CDK14: variants seen among roughly 807,000 people sequenced by gnomAD.
CDK14 encodes the protein cyclin dependent kinase 14.
Under a neutral mutation model 60.7 loss-of-function variants are expected in CDK14, and 34 were observed. That is an observed-to-expected ratio of 0.56 (90% CI 0.43 to 0.75). CDK14 has a LOEUF of 0.75. Ranked by LOEUF, CDK14 falls within the 30% of genes least tolerant of loss-of-function variation. The pLI, the probability that CDK14 is intolerant of heterozygous loss-of-function variation, is 0.00. For synonymous variants in CDK14, 197 were observed against 203.7 expected (o/e 0.97, Z 0.28); for missense variants, 482 against 564.1 (o/e 0.85, Z 1.47).
At chr7:91,066,326 C>A (rs1271983100) in intron 11 of CDK14, among the ~76,000 whole-genome samples, 1 of 152,098 alleles carries the variant, frequency 6.6e-6, no homozygotes, top group Non-Finnish European at 1.5e-5. Context: ...TTTTTATGAT[C>A]CTTCTATGGA....
chr7:91,014,759 A>C (rs1447898805), intron 10 of CDK14, among the ~76,000 whole-genome samples: 1 of 152,176 alleles, frequency 6.6e-6, no homozygotes, highest in Non-Finnish European at 1.5e-5. Flanking sequence ...TTCAGATATA[A>C]ATATTAAATT....
At chr7:90,750,512 G>A (rs1364011688) in intron 4 of CDK14, among the ~76,000 whole-genome samples, 1 of 152,150 alleles carries the variant, frequency 6.6e-6, no homozygotes, top group Non-Finnish European at 1.5e-5. Context: ...AATGAAGAAG[G>A]AGATATAACA....
At chr7:90,874,673 C>T (rs1269830834) in intron 6 of CDK14, among the ~76,000 whole-genome samples, 5 of 150,274 alleles carry the variant, frequency 3.3e-5, no homozygotes, top group African/African-American at 9.8e-5. Context: ...GGACTACAGG[C>T]GCCCGCCACC....
At chr7:90,756,556 G>A (rs1251314824) in intron 4 of CDK14, among the ~76,000 whole-genome samples, 1 of 152,174 alleles carries the variant, frequency 6.6e-6, no homozygotes, top group Non-Finnish European at 1.5e-5. Flanking sequence ...AGGTGGAGAG[G>A]AAAGCCATTG....
chr7:90,979,033 A>AATT (rs1289704858), intron 9 of CDK14, among the ~76,000 whole-genome samples: 1 of 152,172 alleles, frequency 6.6e-6, no homozygotes, highest in Non-Finnish European at 1.5e-5. Flanking sequence ...TAAAAAATGT[A>AATT]GGTTTTGCAG....
intron 9 of CDK14, among the ~76,000 whole-genome samples, chr7:90,957,274 C>T (rs1205335308): frequency 6.6e-6 from 1 of 152,088 alleles, no homozygotes; most frequent in African/African-American, 2.4e-5. Flanking sequence ...TCTCCAGCAC[C>T]TGTTGTTTCC....
rs1281594298 is a variant in CDK14 at position 90,955,097 on chromosome 7, T to C, written c.827-600T>C. ...TCATATATAATCTCATCAATGTATG[T>C]ACCAGATTTGACTATTCCTTTATAG... On this transcript the variant is annotated intron_variant, in intron 8 of 14. Coordinates refer to ENST00000380050, the MANE Select transcript of CDK14 (RefSeq NM_001287135.2). Among the ~76,000 whole-genome samples the C allele has an allele frequency of 2.6e-5, 4 of 152,256 alleles. No individual in the cohort carries two copies. In the East Asian group the frequency reaches 7.7e-4, roughly 29 times the overall value.
In CDK14 at chr7:90,698,077, A is replaced by AAAAG. The variant is rs1324666567; in HGVS notation, c.124-28487_124-28486insGAAA. Among the ~76,000 whole-genome samples, 903 of 146,240 alleles carry AAAAG rather than the reference A, an allele frequency of 6.2e-3. 10 individuals carry two copies. Among genetic ancestry groups the AAAAG allele is most frequent in the Non-Finnish European group, 0.011 (715 of 64,670 alleles). The stretch of plus-strand genomic sequence containing the variant: ...AGCAAGACTCTGTCTCAAAAAAAAA[A>AAAAG]AAAAAAAAAAAAGAAAAAGAAAAAA... On this transcript the variant is annotated intron_variant, in intron 2 of 14. Transcript: ENST00000380050.
intron 6 of CDK14, among the ~76,000 whole-genome samples, chr7:90,880,618 C>T (rs1562810719): frequency 6.6e-6 from 1 of 152,140 alleles, no homozygotes; most frequent in Non-Finnish European, 1.5e-5. Flanking sequence ...TCCCATGCCA[C>T]CCAACTGGAT....
chr7:90,864,132 A>G (rs1285459573), intron 6 of CDK14, among the ~76,000 whole-genome samples: 1 of 151,950 alleles, frequency 6.6e-6, no homozygotes, highest in Non-Finnish European at 1.5e-5. Flanking sequence ...TTTTCCTTAA[A>G]AAAAAAAAGA....
At chr7:90,807,525 G>A (rs1788904055) in intron 5 of CDK14, among the ~76,000 whole-genome samples, 1 of 152,158 alleles carries the variant, frequency 6.6e-6, no homozygotes, top group Admixed American at 6.5e-5. Context: ...AAAAAACAGA[G>A]CAGAAAAACT....
chr7:90,696,411 G>A (rs1801660920), intron 2 of CDK14, among the ~76,000 whole-genome samples: 1 of 142,616 alleles, frequency 7.0e-6, no homozygotes, highest in Non-Finnish European at 1.5e-5. Context: ...CACAACCTCA[G>A]CTCACTGCAA....
chr7:90,873,631 A>G (rs1448443635), intron 6 of CDK14, among the ~76,000 whole-genome samples: 1 of 152,166 alleles, frequency 6.6e-6, no homozygotes, highest in Non-Finnish European at 1.5e-5. Context: ...CAAGTTATGT[A>G]TGTATTTAGA....
intron 4 of CDK14, among the ~76,000 whole-genome samples, chr7:90,773,900 TTTC>T (rs1192278303): frequency 1.7e-4 from 13 of 77,162 alleles, no homozygotes; most frequent in Non-Finnish European, 3.2e-4. Flanking sequence ...TCCTCTTTTC[TTTC>T]TTTTTTTTTT....
intron 6 of CDK14, among the ~76,000 whole-genome samples, chr7:90,864,816 C>T (rs562499999): frequency 1.3e-5 from 2 of 152,206 alleles, no homozygotes; most frequent in African/African-American, 4.8e-5. Flanking sequence ...AATCACTTTT[C>T]TTTGTGTGAG....
intron 6 of CDK14, among the ~76,000 whole-genome samples, chr7:90,865,793 A>G (rs1240249204): frequency 6.6e-6 from 1 of 152,200 alleles, no homozygotes; most frequent in Non-Finnish European, 1.5e-5. Flanking sequence ...GGTGCTCTCA[A>G]CAGCCTCATG....
chr7:91,035,440 G>A (rs1371106113), intron 10 of CDK14, among the ~76,000 whole-genome samples: 1 of 152,116 alleles, frequency 6.6e-6, no homozygotes, highest in African/African-American at 2.4e-5. Context: ...GGTCCTTGTT[G>A]TCATGTGGCT....
intron 12 of CDK14, among the ~76,000 whole-genome samples, chr7:91,089,381 C>T (rs1798736237): frequency 6.6e-6 from 1 of 152,198 alleles, no homozygotes; most frequent in South Asian, 2.1e-4. Context: ...TTATCAGAGG[C>T]TTATAAATGT....
intron 14 of CDK14, among the ~76,000 whole-genome samples, chr7:91,128,849 C>G (rs2116416975): frequency 6.6e-6 from 1 of 152,238 alleles, no homozygotes; most frequent in African/African-American, 2.4e-5. Context: ...TCACTGACTT[C>G]TTAGACTCTC....
Sources: gnomAD v4.1 joint callset for allele counts (sites outside exome capture counted in the v4.1 genomes callset) on GRCh38, gnomAD v4.1.1 for gene constraint, MANE v1.5 for transcripts, NCBI Gene and HGNC (gene_info 2026-07-23, HGNC 2026-07-21) for gene names.